The following GARNL3 variants were observed in gnomAD, a reference collection of about 807,000 sequenced individuals.
GARNL3 encodes GTPase-activating Rap/Ran-GAP domain-like protein 3.
GARNL3 carries 63 observed loss-of-function variants against 125.0 expected under a neutral mutation model. The observed-to-expected ratio is 0.50, with a 90% CI of 0.41 to 0.62. GARNL3 has a LOEUF of 0.62. Ranked by LOEUF, GARNL3 falls within the 20% of genes least tolerant of loss-of-function variation. GARNL3 has a pLI of 0.00. For synonymous variants in GARNL3, 439 were observed against 457.5 expected (o/e 0.96, Z 0.52); for missense variants, 994 against 1,244.0 (o/e 0.80, Z 3.02).
intron 2 of GARNL3, among the ~76,000 whole-genome samples, chr9:127,250,413 A>T (rs768140032): frequency 1.3e-5 from 2 of 152,180 alleles, no homozygotes; most frequent in Admixed American, 6.5e-5. Context: ...TAGATGTGGG[A>T]TGTGAGAGAA....
intron 7 of GARNL3, among the ~76,000 whole-genome samples, chr9:127,328,415 C>T (rs1829017878): frequency 1.3e-5 from 2 of 152,110 alleles, no homozygotes; most frequent in South Asian, 4.2e-4. Context: ...AAACTATTAG[C>T]TGCAAAGATG....
At chr9:127,309,585 A>G (rs552427291) in intron 2 of GARNL3, among the ~76,000 whole-genome samples, 19 of 152,346 alleles carry the variant, frequency 1.2e-4, no homozygotes, top group African/African-American at 4.6e-4. Context: ...GTCAAGCAGT[A>G]TATTAAAAGA....
At position 127,344,311 on chromosome 9, in the gene GARNL3, G is replaced by A. The variant is rs750524070; in HGVS notation, c.1328G>A (p.Arg443His). 22 of 1,613,622 alleles carry A rather than the reference G, an allele frequency of 1.4e-5. No individual in the cohort carries two copies. Among genetic ancestry groups the A allele is most frequent in the South Asian group, 1.1e-4 (10 of 91,068 alleles). The change falls in exon 15 of 28, where the codon CGC becomes CAC. Residue 443 changes from arginine (R) to histidine (H), a missense_variant. Physicochemically the swap from Arg to His is conservative, Grantham distance 29. Coordinates refer to ENST00000373387, the MANE Select transcript of GARNL3 (RefSeq NM_032293.5). ...PKSARKKEEA[R>H]QAEFVRIGQA... is the part of the protein sequence containing the mutation. ...TCAGCGCGGAAGAAAGAGGAGGCCC[G>A]CCAGGCGGAGTTTGTTAGAATAGGG...
intron 22 of GARNL3, among the ~76,000 whole-genome samples, chr9:127,376,006 CTGGA>C (rs1831884370): frequency 6.6e-6 from 1 of 152,216 alleles, no homozygotes; most frequent in African/African-American, 2.4e-5. Context: ...GTCACCCAGG[CTGGA>C]GTATAGTGGC....
At chr9:127,339,576 C>T (rs1829751250) in intron 12 of GARNL3, 69 bp from the exon 13 acceptor site, 8 of 1,093,108 alleles carry the variant, frequency 7.3e-6, no homozygotes, top group Admixed American at 1.7e-5. Context: ...ATTCAAGTGG[C>T]GATTTGGGTG....
At chr9:127,330,953 A>G (rs1427619567) in intron 7 of GARNL3, among the ~76,000 whole-genome samples, 3 of 152,244 alleles carry the variant, frequency 2.0e-5, no homozygotes, top group Non-Finnish European at 4.4e-5. Context: ...ATACTCTCAG[A>G]TCCAGCTATC....
intron 22 of GARNL3, among the ~76,000 whole-genome samples, chr9:127,368,267 A>T (rs1473538152): frequency 6.6e-6 from 1 of 151,214 alleles, no homozygotes; most frequent in Admixed American, 6.6e-5. Flanking sequence ...TGATGAGAGG[A>T]CAGCAGTGGG....
chr9:127,269,748 A>G (rs566009792), intron 1 of GARNL3, among the ~76,000 whole-genome samples: 2 of 139,960 alleles, frequency 1.4e-5, no homozygotes, highest in South Asian at 4.5e-4. Flanking sequence ...TTCTTTGTTC[A>G]TTCTTGAATT....
At chr9:127,252,650 A>G (rs897809323) in intron 2 of GARNL3, among the ~76,000 whole-genome samples, 3 of 152,246 alleles carry the variant, frequency 2.0e-5, no homozygotes, top group African/African-American at 7.2e-5. Context: ...ACATTTATGC[A>G]CATATAATTT....
Position 127,266,385 on chromosome 9 carries a change from A to G in GARNL3, c.144+1364A>G, listed in dbSNP as rs2063707084. On this transcript the variant is annotated intron_variant, in intron 1 of 27. Coordinates refer to ENST00000373387, the MANE Select transcript of GARNL3 (RefSeq NM_032293.5). This position sits in a 1 kb window ranked among gnomAD's most constrained non-coding sequence, Gnocchi z 4.0. ...CCTGGCAATGCCGTGTCCCAAGGCA[A>G]TGAGCAAATGGTCCTGCCTAGCAAA... Among the ~76,000 whole-genome samples the G allele has an allele frequency of 6.6e-6, 1 of 152,204 alleles. No homozygotes were observed. Among genetic ancestry groups the G allele is most frequent in the African/African-American group, 2.4e-5 (1 of 41,454 alleles).
At chr9:127,300,816 C>T in intron 2 of GARNL3, 1 of 376,782 alleles carries the variant, frequency 2.7e-6, no homozygotes, top group South Asian at 2.1e-5. Context: ...CTTCTCTAAC[C>T]ATTATCTACA....
chr9:127,365,496 A>G (rs2131723208), intron 22 of GARNL3, 130 bp downstream of exon 22: 1 of 772,724 alleles, frequency 1.3e-6, no homozygotes, highest in South Asian at 1.6e-5. Context: ...GCCTTCCAGG[A>G]AGGAACTGAA....
chr9:127,236,922 G>A lies in GARNL3; in HGVS notation c.-28-6157G>A, dbSNP rs57767548. Among the ~76,000 whole-genome samples, 478 of 152,216 alleles carry A rather than the reference G, an allele frequency of 3.1e-3. 4 individuals carry two copies. Among genetic ancestry groups the A allele is most frequent in the African/African-American group, 0.011 (451 of 41,516 alleles). On this transcript the variant is annotated intron_variant, in intron 1 of 10. Coordinates refer to the GARNL3 transcript ENST00000439286. ...AGAAGAAATTTGTGCCCTACTCTGC[G>A]CTCTGCACAGGGTCATTTAAACTGT...
At chr9:127,334,743 A>G (rs1232862707) in intron 9 of GARNL3, among the ~76,000 whole-genome samples, 11 of 152,232 alleles carry the variant, frequency 7.2e-5, no homozygotes, top group Non-Finnish European at 1.6e-4. Context: ...AAATTAAGGA[A>G]CTGAGGCTCA....
At chr9:127,320,612 A>G (rs1383477462) in intron 5 of GARNL3, 103 bp from the exon 6 acceptor site, 1 of 721,430 alleles carries the variant, frequency 1.4e-6, no homozygotes, top group Non-Finnish European at 2.4e-6. Flanking sequence ...GTTGATTTGT[A>G]TCTTCTGAGT....
intron 21 of GARNL3, chr9:127,362,834 T>C (rs958453191): frequency 1.3e-5 from 2 of 152,178 alleles, no homozygotes; most frequent in Non-Finnish European, 2.9e-5. Flanking sequence ...GCTAGGTGCT[T>C]AGATAAGTTA....
intron 1 of GARNL3, among the ~76,000 whole-genome samples, chr9:127,272,636 C>T (rs1196240899): frequency 5.9e-5 from 9 of 152,000 alleles, no homozygotes; most frequent in Non-Finnish European, 7.4e-5. Context: ...CACACCATCA[C>T]GCCCAGCTAA....
intron 27 of GARNL3, among the ~76,000 whole-genome samples, chr9:127,391,678 G>A (rs1219790010): frequency 7.0e-6 from 1 of 143,106 alleles, no homozygotes; most frequent in Non-Finnish European, 1.5e-5. Flanking sequence ...TCCAGCCTGG[G>A]TAACAGAGCA....
chr9:127,297,717 A>G (rs1183305737), intron 2 of GARNL3, among the ~76,000 whole-genome samples: 4 of 152,372 alleles, frequency 2.6e-5, no homozygotes, highest in Admixed American at 2.0e-4. Flanking sequence ...AATTCAGTTA[A>G]TGCAGAATCC....
Sources: allele counts gnomAD v4.1 joint callset (sites outside exome capture counted in the v4.1 genomes callset), GRCh38; gene constraint gnomAD v4.1.1; non-coding constraint Gnocchi (gnomAD v3.1); transcripts MANE v1.5; gene names NCBI Gene and HGNC (gene_info 2026-07-23, HGNC 2026-07-21).